The following ERGIC1 variants were observed in gnomAD, a reference collection of about 807,000 sequenced individuals.
ERGIC1 encodes endoplasmic reticulum-golgi intermediate compartment 1.
Under a neutral mutation model 38.3 loss-of-function variants are expected in ERGIC1, and 19 were observed. The observed-to-expected ratio is 0.50, with a 90% confidence interval of 0.35 to 0.73. ERGIC1 has a LOEUF of 0.73. Ranked by LOEUF, ERGIC1 falls within the 30% of genes least tolerant of loss-of-function variation. ERGIC1 has a pLI of 0.01. For synonymous variants in ERGIC1, 124 were observed against 157.6 expected, an observed-to-expected ratio of 0.79 and a Z score of 1.60; for missense variants, 294 against 389.2, an observed-to-expected ratio of 0.76 and a Z score of 2.06.
At chr5:172,874,306 C>T (rs751434069) in intron 1 of ERGIC1, among the ~76,000 whole-genome samples, 9 of 152,092 alleles carry the variant, frequency 5.9e-5, no homozygotes, top group Non-Finnish European at 8.8e-5. Context: ...GTCTTGAACT[C>T]CTGATGTCAG....
In ERGIC1 at chr5:172,935,318, G is replaced by A; in HGVS notation, c.765+8G>A. The A allele has an allele frequency of 6.2e-7, 1 of 1,613,962 alleles. No individual in the cohort carries two copies. The highest frequency in any genetic ancestry group is 1.1e-5 in the South Asian group (1 of 91,084). On this transcript the variant is annotated splice_region_variant and intron_variant, in intron 9 of 9. Coordinates refer to ENST00000393784, the MANE Select transcript of ERGIC1 (RefSeq NM_001031711.3). ...TACAGATTCATCACCACGGTGAGTG[G>A]CCTGGGGCAGTGGGTGGGGCCCTGA...
At chr5:172,927,572 T>C (rs1763683560) in intron 7 of ERGIC1, among the ~76,000 whole-genome samples, 1 of 149,938 alleles carries the variant, frequency 6.7e-6, no homozygotes, top group Middle Eastern at 3.4e-3. Flanking sequence ...CTTGCAGCTC[T>C]GCTGTGCTTT....
intron 2 of ERGIC1, among the ~76,000 whole-genome samples, chr5:172,896,524 T>C (rs998928605): frequency 4.6e-5 from 7 of 152,136 alleles, no homozygotes; most frequent in African/African-American, 1.7e-4. Flanking sequence ...AAGGGAGTGG[T>C]GGGGCCTGTG....
chr5:172,848,141 G>C (rs1442958008), intron 1 of ERGIC1, among the ~76,000 whole-genome samples: 1 of 152,084 alleles, frequency 6.6e-6, no homozygotes, highest in African/African-American at 2.4e-5. Context: ...TTCATGGTGG[G>C]GTCTGATGTC....
intron 5 of ERGIC1, among the ~76,000 whole-genome samples, chr5:172,921,790 G>A (rs759808383): frequency 1.3e-5 from 2 of 152,194 alleles, no homozygotes; most frequent in Non-Finnish European, 2.9e-5. Context: ...CCCACATGCT[G>A]GGAAGTTTCT....
At chr5:172,838,927 C>T (rs1761093090) in intron 1 of ERGIC1, among the ~76,000 whole-genome samples, 1 of 152,168 alleles carries the variant, frequency 6.6e-6, no homozygotes, top group African/African-American at 2.4e-5. Context: ...CTGACAAGAA[C>T]ATATACTTTA....
At chr5:172,873,807 G>T (rs1222148525) in intron 1 of ERGIC1, among the ~76,000 whole-genome samples, 2 of 152,220 alleles carry the variant, frequency 1.3e-5, no homozygotes, top group African/African-American at 4.8e-5. Flanking sequence ...AGTAGGCCAA[G>T]TGTCTAAGCA....
At chr5:172,939,986 C>T (rs546416112) in intron 9 of ERGIC1, among the ~76,000 whole-genome samples, 9 of 152,356 alleles carry the variant, frequency 5.9e-5, no homozygotes, top group African/African-American at 1.9e-4. Flanking sequence ...CAAACACTTG[C>T]GTGCAAAGCC....
chr5:172,835,908 T>G (rs982266209), intron 1 of ERGIC1, among the ~76,000 whole-genome samples: 1 of 152,212 alleles, frequency 6.6e-6, no homozygotes, highest in Admixed American at 6.5e-5. Context: ...TAGCATCAGT[T>G]AAGTCTGGGC....
chr5:172,835,128 A>G (rs969074894), intron 1 of ERGIC1, among the ~76,000 whole-genome samples: 3 of 152,178 alleles, frequency 2.0e-5, no homozygotes, highest in African/African-American at 7.2e-5. Context: ...TCTAGGTTGC[A>G]TGGGGCATTC....
In ERGIC1 at chr5:172,950,999, T is replaced by G; in HGVS notation, c.*183T>G. 1 of 530,714 alleles carries G rather than the reference T, an allele frequency of 1.9e-6. No individual in the cohort carries two copies. The highest frequency in any genetic ancestry group is 2.8e-5 in the South Asian group (1 of 36,060). 32.9% of individuals were successfully genotyped at this position (530,714 alleles called of 1,614,324 possible). Reference sequence around the variant, plus strand: ...GCTACCTCTTTTCCCCGTGTTTCTTTTTAGACAAATTACACTGCCTGAAGT... The same window carrying G: ...GCTACCTCTTTTCCCCGTGTTTCTTGTTAGACAAATTACACTGCCTGAAGT... On this transcript the variant is annotated 3_prime_UTR_variant, in exon 10 of 10. Coordinates refer to ENST00000393784, the MANE Select transcript of ERGIC1 (RefSeq NM_001031711.3).
At chr5:172,897,838 C>T (rs1458253172) in intron 3 of ERGIC1, 5 of 414,040 alleles carry the variant, frequency 1.2e-5, no homozygotes, top group Non-Finnish European at 2.2e-5. Context: ...TTTCTCAGGC[C>T]CACACTTGGT....
intron 1 of ERGIC1, among the ~76,000 whole-genome samples, chr5:172,877,360 T>A (rs1044915185): frequency 1.3e-5 from 2 of 151,568 alleles, no homozygotes; most frequent in Non-Finnish European, 2.9e-5. Context: ...GTATTTTCAG[T>A]ATATGGGTCT....
chr5:172,844,530 G>A (rs1483121226), intron 1 of ERGIC1, among the ~76,000 whole-genome samples: 1 of 152,236 alleles, frequency 6.6e-6, no homozygotes, highest in Admixed American at 6.5e-5. Flanking sequence ...GGACAAGCTC[G>A]GGGTGGGCAG....
chr5:172,841,831 A>ATTTATT (rs1761169428), intron 1 of ERGIC1, among the ~76,000 whole-genome samples: 1 of 152,118 alleles, frequency 6.6e-6, no homozygotes, highest in African/African-American at 2.4e-5. Context: ...ATGATTCATG[A>ATTTATT]TTTATTTTCT....
rs1764251185 is a variant in ERGIC1 at position 172,952,419 on chromosome 5, T to C, written c.*1603T>C. ...CAGTTACAGGAAGGAGTCCCTTTGGTGTGTGAATATGTGTGCCTGTAGAGG... is the reference window on the plus strand; with the variant it reads ...CAGTTACAGGAAGGAGTCCCTTTGGCGTGTGAATATGTGTGCCTGTAGAGG... On this transcript the variant is annotated 3_prime_UTR_variant, in exon 10 of 10. Transcript: ENST00000393784. 1.5e-5 allele frequency: 2 copies of C among 133,504 alleles called. No individual in the cohort carries two copies. Among genetic ancestry groups the C allele is most frequent in the African/African-American group, 5.7e-5 (2 of 35,352 alleles). 8.3% of individuals were successfully genotyped at this position (133,504 alleles called of 1,614,324 possible).
intron 7 of ERGIC1, chr5:172,927,084 C>T: frequency 6.1e-6 from 1 of 163,488 alleles, no homozygotes; most frequent in Non-Finnish European, 1.3e-5. Context: ...GGCACCTTGG[C>T]CCAGATCAAA....
chr5:172,893,281 G>A (rs1171796986), intron 2 of ERGIC1, among the ~76,000 whole-genome samples: 2 of 152,102 alleles, frequency 1.3e-5, no homozygotes, highest in Non-Finnish European at 2.9e-5. Flanking sequence ...CCAAGTGGTT[G>A]GGATTACAGG....
intron 1 of ERGIC1, among the ~76,000 whole-genome samples, chr5:172,849,506 A>G (rs1761351896): frequency 6.6e-6 from 1 of 152,208 alleles, no homozygotes; most frequent in South Asian, 2.1e-4. Flanking sequence ...AAAGCGAGTG[A>G]TGGGACTAAG....
Sources: allele counts gnomAD v4.1 joint callset (sites outside exome capture counted in the v4.1 genomes callset), GRCh38; gene constraint gnomAD v4.1.1; transcripts MANE v1.5; gene names NCBI Gene and HGNC (gene_info 2026-07-23, HGNC 2026-07-21).